RNASEH2B: variants seen among roughly 807,000 people sequenced by gnomAD.
RNASEH2B encodes the protein ribonuclease H2 subunit B, also known as Aicardi-Goutieres syndrome 2 protein.
A neutral mutation model predicts 45.0 loss-of-function variants in RNASEH2B; 36 were observed. That is an observed-to-expected ratio of 0.80 (90% CI 0.61 to 1.06). RNASEH2B has a LOEUF of 1.06. Among genes scored for constraint, RNASEH2B ranks in the 50% least tolerant of loss-of-function variants. The pLI, the probability that RNASEH2B is intolerant of heterozygous loss-of-function variation, is 0.00. For synonymous variants in RNASEH2B, 119 were observed against 125.7 expected (o/e 0.95, Z 0.35); for missense variants, 361 against 360.3 (o/e 1.00, Z -0.02).
chr13:50,955,163 A>G (rs561830974), intron 10 of RNASEH2B: 5 of 152,218 alleles, frequency 3.3e-5, no homozygotes, highest in Admixed American at 1.3e-4. Context: ...TGATTTTTCC[A>G]TTGTTTTTAT....
intron 9 of RNASEH2B, 69 bp downstream of exon 9, chr13:50,949,574 A>T: frequency 7.2e-7 from 1 of 1,387,758 alleles, no homozygotes; most frequent in Non-Finnish European, 1.0e-6. Context: ...ACATGAGTTT[A>T]GTTGGTTCTA....
At chr13:50,915,856 C>T (rs1211518427) in intron 1 of RNASEH2B, among the ~76,000 whole-genome samples, 1 of 152,248 alleles carries the variant, frequency 6.6e-6, no homozygotes, top group African/African-American at 2.4e-5. Context: ...AAGCTGGAGG[C>T]TGGCTTACTC....
rs772054107 is a variant in RNASEH2B at position 50,943,304 on chromosome 13, C to CT, written c.437-9dup. The CT allele has an allele frequency of 4.8e-5, 69 of 1,428,964 alleles. No homozygotes were observed. The highest frequency in any genetic ancestry group is 5.3e-5 in the Non-Finnish European group (54 of 1,015,496). 88.5% of individuals were successfully genotyped at this position (1,428,964 alleles called of 1,614,324 possible). ...TTTTTTTTAATTCATTGTGCTGAGT[C>CT]TTTTTTTTCTTTTAAGGTAATCCAG... On this transcript the variant is annotated splice_polypyrimidine_tract_variant and intron_variant, in intron 5 of 10. Coordinates refer to ENST00000336617, the MANE Select transcript of RNASEH2B (RefSeq NM_024570.4).
At position 50,953,778 on chromosome 13, in the gene RNASEH2B, C is replaced by G. The variant is rs1593479807; in HGVS notation, c.742-127C>G. 4 of 684,508 alleles carry G rather than the reference C, an allele frequency of 5.8e-6. No individual in the cohort carries two copies. The South Asian group carries it at 6.6e-5, about 11-fold the overall frequency. 42.4% of individuals were successfully genotyped at this position (684,508 alleles called of 1,614,324 possible). A position where few individuals can be genotyped will look rare whatever the true frequency, so the allele number is the denominator to read the frequency against. ...TAAAGGAGCCTGTAAAAAGTAAGCC[C>G]TTTGCTGGGTCTGCTGTCCCATTCG... On this transcript the variant is annotated intron_variant, in intron 9 of 10. Coordinates refer to ENST00000336617, the MANE Select transcript of RNASEH2B (RefSeq NM_024570.4).
chr13:50,950,894 C>T (rs1483829651), intron 9 of RNASEH2B: 2 of 152,224 alleles, frequency 1.3e-5, no homozygotes, highest in East Asian at 1.9e-4. Flanking sequence ...GATCAGAGAT[C>T]AGCAAACCTT....
At chr13:50,913,630 C>T (rs2137880955) in intron 1 of RNASEH2B, among the ~76,000 whole-genome samples, 1 of 152,278 alleles carries the variant, frequency 6.6e-6, no homozygotes, top group Non-Finnish European at 1.5e-5. Context: ...CTCGAATTTT[C>T]AGTTAGAGAC....
At chr13:50,960,085 T>G, downstream of RNASEH2B, 1 of 657,236 alleles carries the variant, frequency 1.5e-6, no homozygotes, top group Non-Finnish European at 2.2e-6. Flanking sequence ...TCTAGACATA[T>G]CTTTGTATGA....
At chr13:50,966,110 G>A (rs1432940526) in intron 9 of RNASEH2B, among the ~76,000 whole-genome samples, 1 of 152,132 alleles carries the variant, frequency 6.6e-6, no homozygotes. Context: ...CACATACCAG[G>A]TGCCATTTTG....
At chr13:50,945,363 A>T (rs1391363396) in intron 6 of RNASEH2B, 64 bp from the exon 7 acceptor site, 7 of 1,123,224 alleles carry the variant, frequency 6.2e-6, no homozygotes, top group Non-Finnish European at 9.5e-6. Flanking sequence ...GCCACCTATG[A>T]ATTCATAGAT....
At chr13:50,911,131 A>G (rs1291039407) in intron 1 of RNASEH2B, 1 of 152,242 alleles carries the variant, frequency 6.6e-6, no homozygotes, top group Non-Finnish European at 1.5e-5. Context: ...ACCATCCCCC[A>G]GTTCAAGATG....
chr13:50,927,009 G>T, intron 1 of RNASEH2B: 1 of 219,462 alleles, frequency 4.6e-6, no homozygotes, highest in Non-Finnish European at 9.2e-6. Context: ...GCTTGATTAC[G>T]TTAATGTTTT....
chr13:50,954,229 T>C (rs1952015050), intron 10 of RNASEH2B: 1 of 605,742 alleles, frequency 1.7e-6, no homozygotes, highest in South Asian at 2.0e-5. Flanking sequence ...TAAATTTTGC[T>C]ATGTATTCAT....
At chr13:50,950,534 T>C (rs1951963578) in intron 9 of RNASEH2B, 1 of 152,222 alleles carries the variant, frequency 6.6e-6, no homozygotes, top group Non-Finnish European at 1.5e-5. Flanking sequence ...AGGACTGCTC[T>C]AGGCCAGACC....
At chr13:50,957,031 A>G (rs1421650972), downstream of RNASEH2B, among the ~76,000 whole-genome samples, 1 of 151,776 alleles carries the variant, frequency 6.6e-6, no homozygotes. Flanking sequence ...TTCATTACCC[A>G]GAGATAATGT....
chr13:50,929,946 T>C (rs1593458474), intron 3 of RNASEH2B, among the ~76,000 whole-genome samples: 1 of 152,342 alleles, frequency 6.6e-6, no homozygotes, highest in East Asian at 1.9e-4. Context: ...AACTGGATAC[T>C]GATATGGCTT....
At chr13:50,957,015 C>T (rs377675793), downstream of RNASEH2B, among the ~76,000 whole-genome samples, 4 of 151,630 alleles carry the variant, frequency 2.6e-5, no homozygotes, top group African/African-American at 9.7e-5. Flanking sequence ...TTCAATCTCC[C>T]ATTTCTTCAT....
At position 50,954,137 on chromosome 13, in the gene RNASEH2B, G is replaced by A. The variant is rs183787536; in HGVS notation, c.822+152G>A. Reference sequence around the variant, plus strand: ...TTCTGTGACTTAATAATTAAGAATTGCATATGACAATGAAAATGTTAAGCA... The same window carrying A: ...TTCTGTGACTTAATAATTAAGAATTACATATGACAATGAAAATGTTAAGCA... On this transcript the variant is annotated intron_variant, in intron 10 of 10. Coordinates refer to ENST00000336617, the MANE Select transcript of RNASEH2B (RefSeq NM_024570.4). The A allele has an allele frequency of 4.1e-5, 28 of 684,896 alleles. No individual in the cohort carries two copies. The East Asian group carries it at 7.0e-4, about 17-fold the overall frequency. 42.4% of individuals were successfully genotyped at this position (684,896 alleles called of 1,614,324 possible).
chr13:50,931,955 T>TACACACACACACACAC lies in RNASEH2B; in HGVS notation c.321+1209_321+1224dup, dbSNP rs60335654. Among the ~76,000 whole-genome samples the TACACACACACACACAC allele has an allele frequency of 9.4e-4, 140 of 149,026 alleles. 1 individual carries two copies. The East Asian group carries it at 0.018, about 19-fold the overall frequency. ...TTCCAAATGTTGACACATCTCATTT[T>TACACACACACACACAC]ACACACACACACACACACACACACA... is the stretch of plus-strand genomic sequence containing the variant. On this transcript the variant is annotated intron_variant, in intron 4 of 10. Transcript: ENST00000336617.
intron 1 of RNASEH2B, among the ~76,000 whole-genome samples, chr13:50,920,834 A>G (rs1272067856): frequency 6.6e-6 from 1 of 152,162 alleles, no homozygotes; most frequent in African/African-American, 2.4e-5. Flanking sequence ...ATGTTTATTG[A>G]GTATATCTCA....
Sources: gnomAD v4.1 joint callset for allele counts (sites outside exome capture counted in the v4.1 genomes callset) on GRCh38, gnomAD v4.1.1 for gene constraint, MANE v1.5 for transcripts, NCBI Gene and HGNC (gene_info 2026-07-23, HGNC 2026-07-21) for gene names.